Variants in BRD4 observed in about 807,000 individuals in gnomAD.
BRD4 encodes bromodomain-containing protein 4.
A neutral mutation model predicts 142.1 loss-of-function variants in BRD4; 16 were observed. That is an observed-to-expected ratio of 0.11 (90% CI 0.08 to 0.17). The LOEUF (loss-of-function observed/expected upper bound fraction) is 0.17. Ranked by LOEUF, BRD4 falls within the 10% of genes least tolerant of loss-of-function variation. The pLI is 1.00. For synonymous variants in BRD4, 833 were observed against 707.5 expected (o/e 1.18, Z -2.82); for missense variants, 1,424 against 1,810.9 (o/e 0.79, Z 3.88).
chr19:15,283,008 T>G (rs1056155867), intron 1 of BRD4, among the ~76,000 whole-genome samples: 1 of 152,120 alleles, frequency 6.6e-6, no homozygotes, highest in Non-Finnish European at 1.5e-5. Flanking sequence ...TGAAACGCAA[T>G]GTGACATGAC....
chr19:15,249,029 G>T (rs1258738768), intron 11 of BRD4: 2 of 577,596 alleles, frequency 3.5e-6, no homozygotes, highest in Non-Finnish European at 6.2e-6. Flanking sequence ...AGGCTGGGCA[G>T]GACAGCCAGG....
chr19:15,246,065 C>T (rs1223347460), intron 11 of BRD4, among the ~76,000 whole-genome samples: 1 of 152,204 alleles, frequency 6.6e-6, no homozygotes, highest in Non-Finnish European at 1.5e-5. Context: ...TCAGCAGCTA[C>T]AGACACACGT....
In BRD4 at chr19:15,255,318, G is replaced by C. The variant is rs1468704458; in HGVS notation, c.2026C>G (p.Arg676Gly). The stretch of plus-strand genomic sequence containing the variant: ...ACACCTTGAGGTTTCCTTTTCTTCC[G>C]CAAACAGGAGGTGACATAGCGCTCC... Reference protein sequence around the residue: ...ELERYVTSCLRKKRKPQAEKV... With the variant: ...ELERYVTSCLGKKRKPQAEKV... Residue 676 changes from arginine to glycine, a missense_variant, in exon 10 of 20, where the codon CGG (arginine) becomes GGG (glycine). Coordinates refer to ENST00000679869, the MANE Select transcript of BRD4 (RefSeq NM_001379291.1). 6.2e-7 allele frequency: 1 copy of C among 1,612,874 alleles called. No homozygotes were observed. Among genetic ancestry groups the C allele is most frequent in the Non-Finnish European group, 8.5e-7 (1 of 1,179,028 alleles).
chr19:15,330,278 C>G (rs1341146222), intron 1 of BRD4, among the ~76,000 whole-genome samples: 1 of 152,158 alleles, frequency 6.6e-6, no homozygotes, highest in African/African-American at 2.4e-5. Flanking sequence ...TGGTGGATAA[C>G]AGAGCAGCAA....
intron 11 of BRD4, 74 bp from the exon 12 acceptor site, chr19:15,244,836 G>A (rs1399279919): frequency 3.7e-6 from 6 of 1,608,550 alleles, no homozygotes; most frequent in Admixed American, 3.4e-5. Flanking sequence ...GAAGAAAGAC[G>A]AGAAAACAGG....
intron 1 of BRD4, among the ~76,000 whole-genome samples, chr19:15,289,806 G>GC (rs1300318250): frequency 6.6e-6 from 1 of 152,100 alleles, no homozygotes; most frequent in Admixed American, 6.5e-5. Context: ...GGACACTGGA[G>GC]CCCCCCAGCC....
In BRD4 at chr19:15,325,797, C is replaced by G. The variant is rs913595149; in HGVS notation, c.-35+6493G>C. 2.0e-5 allele frequency among the ~76,000 whole-genome samples: 3 copies of G among 151,708 alleles called. No individual in the cohort carries two copies. In the East Asian group the frequency reaches 5.8e-4, roughly 30 times the overall value. On this transcript the variant is annotated intron_variant, in intron 1 of 19. Transcript: ENST00000679869. ...GCGGATCACCTGAGGTCGGGAGTTC[C>G]AGACCAGCCTGACCAACATGGAGAA...
intron 1 of BRD4, among the ~76,000 whole-genome samples, chr19:15,323,077 G>T (rs559331279): frequency 8.6e-5 from 12 of 139,984 alleles, no homozygotes; most frequent in African/African-American, 2.9e-4. Context: ...AAAATACAAA[G>T]AATTATTTTC....
intron 11 of BRD4, 155 bp from the exon 12 acceptor site, chr19:15,244,917 C>A: frequency 7.5e-7 from 1 of 1,335,788 alleles, no homozygotes; most frequent in Non-Finnish European, 1.0e-6. Flanking sequence ...AGTTGGTCAT[C>A]ACGGGAGAGG....
intron 1 of BRD4, among the ~76,000 whole-genome samples, chr19:15,320,030 G>A (rs2048048270): frequency 6.6e-6 from 1 of 152,118 alleles, no homozygotes. Context: ...AATTCATTCT[G>A]GTACCTGGTC....
At chr19:15,331,403 A>AAATCACCAC (rs968591945) in intron 1 of BRD4, among the ~76,000 whole-genome samples, 3 of 152,266 alleles carry the variant, frequency 2.0e-5, no homozygotes, top group South Asian at 4.1e-4. Flanking sequence ...TCCCCACCCC[A>AAATCACCAC]AATCACCACA....
Position 15,238,506 on chromosome 19 carries a change from C to T in BRD4, c.4021-61G>A. 1 of 1,611,134 alleles carries T rather than the reference C, an allele frequency of 6.2e-7. No individual in the cohort carries two copies. Among genetic ancestry groups the T allele is most frequent in the South Asian group, 1.1e-5 (1 of 90,710 alleles). On this transcript the variant is annotated intron_variant, in intron 19 of 19. Coordinates refer to ENST00000679869, the MANE Select transcript of BRD4 (RefSeq NM_001379291.1). The surrounding 1 kb of genome is among the most constrained non-coding windows in gnomAD (Gnocchi z 7.2). ...ACCTAGCCACCCTGCAGCTACAAGC[C>T]CTCATACCCGCTACCAGCAGTCAGC...
At chr19:15,288,703 A>G (rs1599491244) in intron 1 of BRD4, among the ~76,000 whole-genome samples, 1 of 152,204 alleles carries the variant, frequency 6.6e-6, no homozygotes, top group Non-Finnish European at 1.5e-5. Context: ...CGCCGAAGGG[A>G]GGAAGTCAAC....
At chr19:15,253,218 G>A in intron 11 of BRD4, 1 of 392,288 alleles carries the variant, frequency 2.5e-6, no homozygotes, top group Non-Finnish European at 4.6e-6. Flanking sequence ...GTAAACACAG[G>A]ATGTTAGCTC....
intron 1 of BRD4, among the ~76,000 whole-genome samples, chr19:15,323,583 T>C (rs369512472): frequency 2.0e-4 from 30 of 152,322 alleles, no homozygotes; most frequent in African/African-American, 7.2e-4. Context: ...GACATGTATG[T>C]GTTACTGCCT....
At chr19:15,322,697 C>CA (rs78397797) in intron 1 of BRD4, among the ~76,000 whole-genome samples, 4,632 of 92,260 alleles carry the variant, frequency 0.05, 136 homozygotes, top group African/African-American at 0.085. Flanking sequence ...CTAAAAAATA[C>CA]AAAAAAAAAA....
intron 1 of BRD4, among the ~76,000 whole-genome samples, chr19:15,303,555 G>T (rs1287349227): frequency 6.6e-6 from 1 of 152,074 alleles, no homozygotes; most frequent in Non-Finnish European, 1.5e-5. Flanking sequence ...TTATCAAAAG[G>T]AGTAACTGTC....
intron 1 of BRD4, among the ~76,000 whole-genome samples, chr19:15,326,930 G>A (rs1704605000): frequency 6.6e-6 from 1 of 152,192 alleles, no homozygotes; most frequent in African/African-American, 2.4e-5. Context: ...CTGCAAGTTT[G>A]GGGTGCATCT....
intron 1 of BRD4, among the ~76,000 whole-genome samples, chr19:15,286,105 A>G (rs537015273): frequency 2.6e-5 from 4 of 152,276 alleles, no homozygotes; most frequent in African/African-American, 9.6e-5. Flanking sequence ...CCTCCCACCA[A>G]TTCTTCCCAC....
Sources: gnomAD v4.1 joint callset for allele counts (sites outside exome capture counted in the v4.1 genomes callset) on GRCh38, gnomAD v4.1.1 for gene constraint, Gnocchi (gnomAD v3.1) non-coding constraint, MANE v1.5 for transcripts, NCBI Gene and HGNC (gene_info 2026-07-23, HGNC 2026-07-21) for gene names.